Variants in GPC6 observed in about 807,000 individuals in gnomAD.
GPC6 encodes glypican 6.
In GPC6, 14 loss-of-function variants were observed where a neutral mutation model predicts 55.2. The observed-to-expected ratio is 0.25, with a 90% confidence interval of 0.17 to 0.40. GPC6 has a LOEUF of 0.40. Among genes scored for constraint, GPC6 ranks in the 10% least tolerant of loss-of-function variants. GPC6 has a pLI of 1.00. For synonymous variants in GPC6, 278 were observed against 259.6 expected, an observed-to-expected ratio of 1.07 and a Z score of -0.68; for missense variants, 641 against 708.5, an observed-to-expected ratio of 0.90 and a Z score of 1.08.
chr13:94,143,211 A>G (rs1480070564), intron 4 of GPC6, among the ~76,000 whole-genome samples: 3 of 152,054 alleles, frequency 2.0e-5, no homozygotes, highest in Admixed American at 2.0e-4. Flanking sequence ...TTTATTTTCA[A>G]GATTAGGTGA....
At chr13:93,989,937 T>TAC (rs1185687613) in intron 3 of GPC6, among the ~76,000 whole-genome samples, 8 of 148,770 alleles carry the variant, frequency 5.4e-5, no homozygotes, top group Middle Eastern at 3.6e-3. Context: ...TATATGTATA[T>TAC]ATATATATTC....
At position 93,318,026 on chromosome 13, in the gene GPC6, A is replaced by G. The variant is rs143025455; in HGVS notation, c.160+90410A>G. ...ACCTTTTCTGCAATGAATTCAACTC[A>G]TGTTATGTGACATTGTCATTTTACA... On this transcript the variant is annotated intron_variant, in intron 1 of 8. Coordinates refer to ENST00000377047, the MANE Select transcript of GPC6 (RefSeq NM_005708.5). Among the ~76,000 whole-genome samples, 5 of 152,184 alleles carry G rather than the reference A, an allele frequency of 3.3e-5. No homozygotes were observed. The East Asian group carries it at 9.7e-4, about 29-fold the overall frequency.
intron 4 of GPC6, among the ~76,000 whole-genome samples, chr13:94,233,815 C>T (rs774110724): frequency 7.2e-5 from 11 of 151,928 alleles, no homozygotes; most frequent in Non-Finnish European, 1.3e-4. Context: ...TCTTACTGTG[C>T]CTAATGTACA....
At chr13:93,714,337 C>CAT (rs1332716837) in intron 2 of GPC6, among the ~76,000 whole-genome samples, 1 of 151,676 alleles carries the variant, frequency 6.6e-6, no homozygotes. Flanking sequence ...AAAAAATGCC[C>CAT]ATCATCACTA....
chr13:94,185,497 A>G (rs1217954227), intron 4 of GPC6, among the ~76,000 whole-genome samples: 1 of 151,880 alleles, frequency 6.6e-6, no homozygotes, highest in Admixed American at 6.6e-5. Context: ...CTTGAAATTC[A>G]TATATTATAT....
chr13:94,400,673 G>C (rs1008405237), intron 8 of GPC6, among the ~76,000 whole-genome samples: 2 of 152,154 alleles, frequency 1.3e-5, no homozygotes, highest in African/African-American at 2.4e-5. Context: ...CACTGCCCCA[G>C]ATTTACTTAA....
At chr13:94,291,202 A>C (rs1874951062) in intron 5 of GPC6, among the ~76,000 whole-genome samples, 1 of 152,124 alleles carries the variant, frequency 6.6e-6, no homozygotes, top group South Asian at 2.1e-4. Context: ...CAAAACAAAA[A>C]AGAAAAGAAA....
At chr13:93,903,940 AAAG>A (rs140143620) in intron 3 of GPC6, among the ~76,000 whole-genome samples, 6,896 of 152,146 alleles carry the variant, frequency 0.045, 465 homozygotes, top group African/African-American at 0.15. Flanking sequence ...GCGAAATCAC[AAAG>A]AAGAACATGT....
chr13:94,324,465 A>G (rs895787927), intron 6 of GPC6, among the ~76,000 whole-genome samples: 1 of 152,334 alleles, frequency 6.6e-6, no homozygotes, highest in Non-Finnish European at 1.5e-5. Context: ...ACACAGGGAC[A>G]AGTTACCAAC....
At chr13:93,364,967 C>T (rs555134447) in intron 1 of GPC6, among the ~76,000 whole-genome samples, 78 of 152,128 alleles carry the variant, frequency 5.1e-4, no homozygotes, top group African/African-American at 1.8e-3. Context: ...TACTCCTTCA[C>T]ACTACTGGTT....
At chr13:94,183,993 A>G (rs999622556) in intron 4 of GPC6, among the ~76,000 whole-genome samples, 1 of 152,176 alleles carries the variant, frequency 6.6e-6, no homozygotes, top group African/African-American at 2.4e-5. Flanking sequence ...AAAAACAAGC[A>G]ATGGAGAAAG....
intron 2 of GPC6, among the ~76,000 whole-genome samples, chr13:93,648,271 A>G (rs1055438241): frequency 1.7e-4 from 26 of 152,294 alleles, no homozygotes; most frequent in Admixed American, 1.0e-3. Context: ...TGGAAATCAC[A>G]TATAATACAG....
intron 2 of GPC6, among the ~76,000 whole-genome samples, chr13:93,604,707 G>T (rs949972803): frequency 6.6e-6 from 1 of 152,066 alleles, no homozygotes. Flanking sequence ...AACACTGAAA[G>T]AGTTATACGC....
intron 2 of GPC6, among the ~76,000 whole-genome samples, chr13:93,825,983 C>G (rs1316534229): frequency 6.6e-6 from 1 of 151,282 alleles, no homozygotes; most frequent in African/African-American, 2.4e-5. Context: ...GCCTCAGCCT[C>G]CTGAGTAGCT....
At chr13:93,451,714 G>A (rs974829114) in intron 1 of GPC6, among the ~76,000 whole-genome samples, 10 of 152,050 alleles carry the variant, frequency 6.6e-5, no homozygotes, top group East Asian at 5.8e-4. Flanking sequence ...TCTCATTCTC[G>A]AATTTGATGA....
At chr13:93,627,188 G>A (rs1053284103) in intron 2 of GPC6, among the ~76,000 whole-genome samples, 4 of 151,136 alleles carry the variant, frequency 2.6e-5, no homozygotes, top group Non-Finnish European at 4.4e-5. Flanking sequence ...GGTGTGTGAT[G>A]TTCCCCTCCC....
At chr13:94,349,366 C>A (rs528949323) in intron 6 of GPC6, among the ~76,000 whole-genome samples, 13 of 152,308 alleles carry the variant, frequency 8.5e-5, no homozygotes, top group African/African-American at 2.6e-4. Flanking sequence ...CCCTACTCAT[C>A]CCTTTTGGTT....
At chr13:93,308,101 G>A (rs566845468) in intron 1 of GPC6, among the ~76,000 whole-genome samples, 96 of 152,146 alleles carry the variant, frequency 6.3e-4, no homozygotes, top group Non-Finnish European at 1.0e-3. Context: ...TGGCTAACAT[G>A]GTGAAACCCC....
At chr13:94,226,925 A>G (rs1267924802) in intron 4 of GPC6, among the ~76,000 whole-genome samples, 1 of 152,148 alleles carries the variant, frequency 6.6e-6, no homozygotes. Context: ...GAAAGATGCC[A>G]TGAACCAGCA....
Sources: gnomAD v4.1 joint callset for allele counts (sites outside exome capture counted in the v4.1 genomes callset) on GRCh38, gnomAD v4.1.1 for gene constraint, MANE v1.5 for transcripts, NCBI Gene and HGNC (gene_info 2026-07-23, HGNC 2026-07-21) for gene names.